The following CNTNAP4 variants were observed in gnomAD, a reference collection of about 807,000 sequenced individuals.
CNTNAP4 encodes the protein contactin-associated protein-like 4.
In CNTNAP4, 98 loss-of-function variants were observed where a neutral mutation model predicts 148.4. That is an observed-to-expected ratio of 0.66 (90% confidence interval 0.56 to 0.78). The LOEUF is 0.78. CNTNAP4 is among the 30% of genes least tolerant of loss of function. The probability of loss-of-function intolerance (pLI) is 0.00; values close to 1 mark genes in which losing one functional copy is unlikely to be tolerated. For missense variants in CNTNAP4, 1,935 were observed against 1,565.6 expected, an observed-to-expected ratio of 1.24 and a Z score of -3.98; for synonymous variants, 730 against 565.1, an observed-to-expected ratio of 1.29 and a Z score of -4.14.
At chr16:76,410,828 T>C (rs2078766746) in intron 3 of CNTNAP4, among the ~76,000 whole-genome samples, 1 of 151,648 alleles carries the variant, frequency 6.6e-6, no homozygotes, top group Non-Finnish European at 1.5e-5. Context: ...AATAATACTG[T>C]AGAGATAATT....
At chr16:76,364,945 T>C (rs2013927838) in intron 3 of CNTNAP4, among the ~76,000 whole-genome samples, 2 of 152,190 alleles carry the variant, frequency 1.3e-5, no homozygotes, top group South Asian at 4.1e-4. Flanking sequence ...ATGAAGTCTT[T>C]GCCCATGCCT....
intron 3 of CNTNAP4, among the ~76,000 whole-genome samples, chr16:76,394,117 C>T (rs571451964): frequency 1.3e-5 from 2 of 152,234 alleles, no homozygotes; most frequent in South Asian, 4.2e-4. Flanking sequence ...TCTGAAAATT[C>T]ATGAGGAAAT....
chr16:76,388,438 T>C (rs571502287), intron 3 of CNTNAP4, among the ~76,000 whole-genome samples: 2 of 152,338 alleles, frequency 1.3e-5, no homozygotes, highest in African/African-American at 2.4e-5. Flanking sequence ...ATGAGCATTG[T>C]GTAGAATATT....
chr16:76,419,531 G>A (rs770595993), intron 3 of CNTNAP4, among the ~76,000 whole-genome samples: 1 of 152,092 alleles, frequency 6.6e-6, no homozygotes, highest in South Asian at 2.1e-4. Context: ...TCTACACTCA[G>A]TTTCCAGAGA....
In CNTNAP4 at chr16:76,452,746, A is replaced by G; in HGVS notation, c.1310A>G (p.Lys437Arg). 1 of 1,597,208 alleles carries G rather than the reference A, an allele frequency of 6.3e-7. No individual in the cohort carries two copies. ...KLKSNLYQPG[K>R]LPSDITAGVE... ...AAGTCGAATCTCTACCAGCCAGGAA[A>G]ATTACCCAGTGACATCACAGCAGGT... The change falls in exon 8 of 24, where the codon AAA becomes AGA. Residue 437 changes from lysine to arginine, a missense_variant. Lys to Arg is a conservative substitution (Grantham distance 26). Transcript: ENST00000611870.
chr16:76,313,468 T>G (rs1961369282), intron 1 of CNTNAP4, among the ~76,000 whole-genome samples: 1 of 152,198 alleles, frequency 6.6e-6, no homozygotes. Context: ...CTAAAACATT[T>G]TTGTTGTTGC....
intron 2 of CNTNAP4, among the ~76,000 whole-genome samples, chr16:76,341,309 A>G (rs1964451307): frequency 6.6e-6 from 1 of 152,140 alleles, no homozygotes; most frequent in Non-Finnish European, 1.5e-5. Flanking sequence ...TTATGTCTAG[A>G]TGGTGTTCCA....
At chr16:76,493,846 G>A (rs897323202) in intron 13 of CNTNAP4, among the ~76,000 whole-genome samples, 1 of 152,140 alleles carries the variant, frequency 6.6e-6, no homozygotes, top group Non-Finnish European at 1.5e-5. Flanking sequence ...CCCTGGGAGA[G>A]AGCTTGTCAG....
At chr16:76,453,726 A>G (rs1173838776) in intron 8 of CNTNAP4, among the ~76,000 whole-genome samples, 1 of 152,228 alleles carries the variant, frequency 6.6e-6, no homozygotes, top group Non-Finnish European at 1.5e-5. Context: ...GAAAACAAGT[A>G]TACAAATGGA....
chr16:76,389,719 G>C (rs1278239775), intron 3 of CNTNAP4, among the ~76,000 whole-genome samples: 1 of 152,182 alleles, frequency 6.6e-6, no homozygotes. Context: ...GCCTGACTCA[G>C]CCTCCCAAAG....
intron 10 of CNTNAP4, among the ~76,000 whole-genome samples, chr16:76,472,625 A>G (rs1350269105): frequency 6.6e-6 from 1 of 152,190 alleles, no homozygotes; most frequent in South Asian, 2.1e-4. Context: ...CATGGTGTAT[A>G]GGTACCACAT....
intron 17 of CNTNAP4, among the ~76,000 whole-genome samples, chr16:76,525,661 T>C (rs898116556): frequency 2.7e-5 from 4 of 145,874 alleles, no homozygotes; most frequent in Non-Finnish European, 6.0e-5. Flanking sequence ...AAATTATATA[T>C]AGTTATATAA....
In CNTNAP4 at chr16:76,495,068, T is replaced by A; in HGVS notation, c.2237+2T>A. The A allele has an allele frequency of 1.2e-6, 2 of 1,612,808 alleles. No homozygotes were observed. Among genetic ancestry groups the A allele is most frequent in the Non-Finnish European group, 1.7e-6 (2 of 1,179,144 alleles). On this transcript the variant is annotated splice_donor_variant, in intron 14 of 23. Transcript: ENST00000611870. LOFTEE classifies it high-confidence loss of function. ...TTGTGATGCTGACCGGAATGAATGG[T>A]GATTTCCATATGATTTCTTTATGCA...
rs2082891010 is a variant in CNTNAP4 at position 76,508,022 on chromosome 16, C to T, written c.2365+9328C>T. 2.0e-5 allele frequency among the ~76,000 whole-genome samples: 2 copies of T among 97,940 alleles called. 1 individual carries two copies. Among genetic ancestry groups the T allele is most frequent in the Admixed American group, 2.0e-4 (2 of 10,118 alleles). 64.3% of individuals were successfully genotyped at this position (97,940 alleles called of 152,430 possible). A position where few individuals can be genotyped will look rare whatever the true frequency, so the allele number is the denominator to read the frequency against. ...TTCTCAAAACATGTTTAGCATATTA[C>T]AAAGATATCTTTCTCATACTGGCTT... On this transcript the variant is annotated intron_variant, in intron 15 of 23. Transcript: ENST00000611870.
At chr16:76,381,917 G>A (rs1027170716) in intron 3 of CNTNAP4, among the ~76,000 whole-genome samples, 1 of 151,948 alleles carries the variant, frequency 6.6e-6, no homozygotes, top group Non-Finnish European at 1.5e-5. Flanking sequence ...AAATTAGCTG[G>A]GCGTGGTGGT....
chr16:76,469,452 C>T (rs578126623), intron 10 of CNTNAP4: 2 of 152,322 alleles, frequency 1.3e-5, no homozygotes, highest in Non-Finnish European at 2.9e-5. Flanking sequence ...CAGGGACTCC[C>T]CAACCCCTGA....
chr16:76,299,879 G>A (rs1191806993), intron 1 of CNTNAP4, among the ~76,000 whole-genome samples: 2 of 152,060 alleles, frequency 1.3e-5, no homozygotes, highest in East Asian at 1.9e-4. Flanking sequence ...ATCATTATCA[G>A]CAAACTATCA....
intron 12 of CNTNAP4, among the ~76,000 whole-genome samples, chr16:76,487,448 G>A (rs907653167): frequency 2.6e-5 from 4 of 152,206 alleles, no homozygotes; most frequent in African/African-American, 4.8e-5. Context: ...GTGATGAAGT[G>A]CATGTCTTTT....
At chr16:76,527,222 T>C (rs1419470858) in intron 17 of CNTNAP4, among the ~76,000 whole-genome samples, 4 of 152,152 alleles carry the variant, frequency 2.6e-5, no homozygotes, top group Admixed American at 2.6e-4. Flanking sequence ...GCTTCTTTGT[T>C]TATAGATTTT....
Sources: gnomAD v4.1 joint callset for allele counts (sites outside exome capture counted in the v4.1 genomes callset) on GRCh38, gnomAD v4.1.1 for gene constraint, MANE v1.5 for transcripts, NCBI Gene and HGNC (gene_info 2026-07-23, HGNC 2026-07-21) for gene names.